ZNF248: variants seen among roughly 807,000 people sequenced by gnomAD.
The protein encoded by ZNF248 is KRAB protein domain.
In ZNF248, 20 loss-of-function variants were observed where a neutral mutation model predicts 44.3. The ratio of observed to expected loss-of-function variants is 0.45; its 90% CI spans 0.32 to 0.66. ZNF248 has a LOEUF of 0.66. Among genes scored for constraint, ZNF248 ranks in the 30% least tolerant of loss-of-function variants. ZNF248 has a pLI of 0.04. For synonymous variants in ZNF248, 224 were observed against 229.0 expected (o/e 0.98, Z 0.20); for missense variants, 654 against 677.0 (o/e 0.97, Z 0.38).
At chr10:37,820,520 C>T (rs2053293221) in intron 6 of ZNF248, 10 of 1,601,668 alleles carry the variant, frequency 6.2e-6, no homozygotes, top group Middle Eastern at 1.9e-4. Context: ...CGGTGAGGAT[C>T]GTGCAACTGG....
chr10:37,774,429 A>G (rs939625426), downstream of ZNF248, among the ~76,000 whole-genome samples: 2 of 152,196 alleles, frequency 1.3e-5, no homozygotes, highest in African/African-American at 2.4e-5. Context: ...TCAGCTCTCG[A>G]GGGGTTATCT....
intron 6 of ZNF248, among the ~76,000 whole-genome samples, chr10:37,812,214 G>C (rs1171402778): frequency 6.6e-6 from 1 of 152,034 alleles, no homozygotes; most frequent in African/African-American, 2.4e-5. Flanking sequence ...TCCAGCCTGG[G>C]TGACAGAGCA....
Position 37,838,105 on chromosome 10 carries a change from C to T in ZNF248, c.22G>A (p.Val8Met), listed in dbSNP as rs751580429. 3.1e-6 allele frequency: 5 copies of T among 1,612,202 alleles called. No homozygotes were observed. The Admixed American group carries it at 8.3e-5, about 27-fold the overall frequency. The change falls in exon 4 of 6, where the codon GTG becomes ATG. Residue 8 changes from valine (V) to methionine (M), a missense_variant. By Grantham distance (21) the Val-to-Met change is conservative (BLOSUM62 1). Coordinates refer to ENST00000395867, the MANE Select transcript of ZNF248 (RefSeq NM_021045.3). MNKSQEQVSFKDVCVDFT... is the reference protein window; with the variant it reads MNKSQEQMSFKDVCVDFT... ...TCCACACATACATCCTTGAATGACA[C>T]TTGTTCCTGTAATAGTATACTCTTT...
chr10:37,816,173 G>A (rs770719131), intron 6 of ZNF248, among the ~76,000 whole-genome samples: 1 of 151,664 alleles, frequency 6.6e-6, no homozygotes, highest in Non-Finnish European at 1.5e-5. Flanking sequence ...AGGCCAGGGG[G>A]GAAGCAATTC....
chr10:37,819,690 G>A (rs2053142166), intron 6 of ZNF248: 11 of 788,756 alleles, frequency 1.4e-5, no homozygotes, highest in South Asian at 1.2e-4. Context: ...CCTAACCGGA[G>A]TTTGAAGATT....
downstream of ZNF248, among the ~76,000 whole-genome samples, chr10:37,825,823 C>A (rs2054289986): frequency 2.0e-5 from 3 of 151,774 alleles, no homozygotes; most frequent in South Asian, 2.1e-4. Flanking sequence ...AATAAACTCA[C>A]CCCTATTATC....
chr10:37,828,851 ATAATG>A lies in ZNF248; in HGVS notation c.*2759_*2763del. On this transcript the variant is annotated 3_prime_UTR_variant, in exon 6 of 6. Coordinates refer to ENST00000395867, the MANE Select transcript of ZNF248 (RefSeq NM_021045.3). ...TAAGAAACACCACAGGGAGGTATGAATAATGTAATTTAATATAATGTCTGCTTCAC... is the reference window on the plus strand; with the variant it reads ...TAAGAAACACCACAGGGAGGTATGAATAATTTAATATAATGTCTGCTTCAC... 1 of 985,460 alleles carries A rather than the reference ATAATG, an allele frequency of 1.0e-6. No homozygotes were observed. The allele number at this position is 985,460 out of a possible 1,614,324, so 61.0% of individuals were successfully genotyped here.
At chr10:37,800,273 T>A (rs1014629826) in intron 6 of ZNF248, among the ~76,000 whole-genome samples, 2 of 152,178 alleles carry the variant, frequency 1.3e-5, no homozygotes, top group African/African-American at 4.8e-5. Context: ...CCTCTTATCC[T>A]CTACCCTCAA....
intron 3 of ZNF248, 89 bp from the exon 4 acceptor site, chr10:37,838,200 A>T: frequency 7.9e-7 from 1 of 1,265,958 alleles, no homozygotes; most frequent in Non-Finnish European, 1.1e-6. Context: ...AGAGTTTACT[A>T]AAAAATGACA....
chr10:37,769,892 A>G, the ZNF248 span, among the ~76,000 whole-genome samples: 1 of 152,200 alleles, frequency 6.6e-6, no homozygotes, highest in Admixed American at 6.5e-5. Flanking sequence ...TCAGCCCAAA[A>G]TCTCCTTAAG....
chr10:37,836,648 C>T (rs1311974763), intron 5 of ZNF248, among the ~76,000 whole-genome samples: 1 of 152,078 alleles, frequency 6.6e-6, no homozygotes, highest in Admixed American at 6.6e-5. Flanking sequence ...CGTCATTCTT[C>T]GTCCTCCTTT....
intron 3 of ZNF248, among the ~76,000 whole-genome samples, chr10:37,850,554 TTA>T (rs781614364): frequency 1.3e-5 from 2 of 152,154 alleles, no homozygotes; most frequent in Non-Finnish European, 2.9e-5. Flanking sequence ...TACTATATGG[TTA>T]CAGTCATCAA....
chr10:37,775,049 C>T (rs908766042), downstream of ZNF248, among the ~76,000 whole-genome samples: 2 of 152,106 alleles, frequency 1.3e-5, no homozygotes, highest in Non-Finnish European at 2.9e-5. Context: ...GGATTTCAGG[C>T]ATGAGCCACC....
chr10:37,834,912 AT>A (rs1347787456), intron 5 of ZNF248, among the ~76,000 whole-genome samples: 24 of 152,214 alleles, frequency 1.6e-4, no homozygotes, highest in Non-Finnish European at 5.9e-5. Flanking sequence ...AAACAAAGAA[AT>A]TTAAGACAGG....
Position 37,832,821 on chromosome 10 carries a change from A to G in ZNF248, c.534T>C (p.Ile178=). The G allele has an allele frequency of 6.2e-7, 1 of 1,613,910 alleles. No individual in the cohort carries two copies. The highest frequency in any genetic ancestry group is 8.5e-7 in the Non-Finnish European group (1 of 1,179,874). ...CTCCAATAGGGATTTTCTCATGCCT[A>G]ATATCAAGGAGCAATTTCTCACATA... ...FNVCEKLLLD[I]RHEKIPIGEK... The change falls in exon 6 of 6, where the codon ATT becomes ATC. Residue 178 remains isoleucine (I), a synonymous_variant. Transcript: ENST00000395867.
intron 6 of ZNF248, among the ~76,000 whole-genome samples, chr10:37,808,800 T>C (rs2051010860): frequency 6.6e-6 from 1 of 152,178 alleles, no homozygotes; most frequent in Admixed American, 6.5e-5. Flanking sequence ...AAGACTAATG[T>C]TAGTCGGTCT....
chr10:37,850,064 C>T (rs2059974648), intron 3 of ZNF248, among the ~76,000 whole-genome samples: 1 of 152,092 alleles, frequency 6.6e-6, no homozygotes, highest in South Asian at 2.1e-4. Context: ...GAGTAAGAGA[C>T]TCTGTCTTAA....
intron 6 of ZNF248, among the ~76,000 whole-genome samples, chr10:37,810,691 A>G (rs991823368): frequency 2.0e-5 from 3 of 152,232 alleles, no homozygotes; most frequent in Non-Finnish European, 4.4e-5. Flanking sequence ...CTATTTTATC[A>G]TTTACTATCT....
At chr10:37,808,561 A>G (rs897004045) in intron 6 of ZNF248, among the ~76,000 whole-genome samples, 2 of 152,160 alleles carry the variant, frequency 1.3e-5, no homozygotes, top group Admixed American at 6.5e-5. Context: ...CTGAGATTAC[A>G]GGCAGTAGCC....
Sources: allele counts gnomAD v4.1 joint callset (sites outside exome capture counted in the v4.1 genomes callset), GRCh38; gene constraint gnomAD v4.1.1; transcripts MANE v1.5; gene names NCBI Gene and HGNC (gene_info 2026-07-23, HGNC 2026-07-21).